The following DMXL1 variants were observed in gnomAD, a reference collection of about 807,000 sequenced individuals.
DMXL1 encodes dmX-like protein 1.
In DMXL1, 99 loss-of-function variants were observed where a neutral mutation model predicts 319.2. That is an observed-to-expected ratio of 0.31 (90% CI 0.26 to 0.37). The LOEUF (loss-of-function observed/expected upper bound fraction) is 0.37. DMXL1 is among the 10% of genes least tolerant of loss of function. The pLI is 1.00. For synonymous variants in DMXL1, 1,385 were observed against 1,235.2 expected (o/e 1.12, Z -2.54); for missense variants, 3,745 against 3,595.6 (o/e 1.04, Z -1.06).
chr5:119,196,514 T>TG lies in DMXL1; in HGVS notation c.7543+59dup. 3 of 1,110,228 alleles carry TG rather than the reference T, an allele frequency of 2.7e-6. No individual in the cohort carries two copies. The African/African-American group carries it at 4.8e-5, about 18-fold the overall frequency. 68.8% of individuals were successfully genotyped at this position (1,110,228 alleles called of 1,614,324 possible). Reference sequence around the variant, plus strand: ...CATTGCTTTTGACTTACTACTCTGTTGTTTTTTTTTTTTTTTTTTTGGTCT... The same window carrying TG: ...CATTGCTTTTGACTTACTACTCTGTTGGTTTTTTTTTTTTTTTTTTTGGTCT... On this transcript the variant is annotated intron_variant, in intron 31 of 43. Coordinates refer to ENST00000539542, the MANE Select transcript of DMXL1 (RefSeq NM_001290321.3).
At chr5:119,201,962 C>CTT (rs1050734682) in intron 32 of DMXL1, among the ~76,000 whole-genome samples, 11 of 151,950 alleles carry the variant, frequency 7.2e-5, no homozygotes, top group Admixed American at 6.6e-4. Context: ...TCTCTCTTTT[C>CTT]TTTTTTATTA....
At chr5:119,199,009 C>T (rs183664833) in intron 32 of DMXL1, among the ~76,000 whole-genome samples, 48 of 152,298 alleles carry the variant, frequency 3.2e-4, no homozygotes, top group African/African-American at 1.1e-3. Context: ...GTCTCACCCT[C>T]CTGAATAGCT....
chr5:119,099,633 G>A (rs891021336), intron 2 of DMXL1, among the ~76,000 whole-genome samples: 27 of 152,248 alleles, frequency 1.8e-4, no homozygotes, highest in African/African-American at 6.0e-4. Context: ...GCTGGTTAAT[G>A]TTAAAAATAT....
At chr5:119,220,358 G>A (rs1047206310) in intron 35 of DMXL1, 114 bp from the exon 36 acceptor site, 6 of 851,544 alleles carry the variant, frequency 7.0e-6, no homozygotes, top group South Asian at 3.6e-5. Flanking sequence ...TGTATATCCT[G>A]TACTTTAGTT....
intron 3 of DMXL1, among the ~76,000 whole-genome samples, chr5:119,103,104 AAG>A (rs1757625613): frequency 6.7e-6 from 1 of 150,278 alleles, no homozygotes; most frequent in Non-Finnish European, 1.5e-5. Flanking sequence ...TTTAAAAAAA[AAG>A]AAAGAGCAGT....
At chr5:119,093,360 T>C (rs1010466508) in intron 1 of DMXL1, among the ~76,000 whole-genome samples, 1 of 152,180 alleles carries the variant, frequency 6.6e-6, no homozygotes, top group Non-Finnish European at 1.5e-5. Context: ...GGTCTTGAAC[T>C]CCTGACCTCA....
intron 43 of DMXL1, 61 bp downstream of exon 43, chr5:119,244,637 A>G: frequency 3.2e-6 from 4 of 1,255,232 alleles, no homozygotes; most frequent in Admixed American, 1.8e-5. Context: ...TTAGCTCTTT[A>G]ATCGTATTGA....
rs1749538232 is a variant in DMXL1 at position 119,071,464 on chromosome 5, G to T, written c.-106G>T. On this transcript the variant is annotated 5_prime_UTR_variant, in exon 1 of 44. Coordinates refer to ENST00000539542, the MANE Select transcript of DMXL1 (RefSeq NM_001290321.3). ...GGCGCCTGTCGCTGCTTCTGCCGTC[G>T]CCACCGAAGAGCGGCCGCCGCCCCT... is the stretch of plus-strand genomic sequence containing the variant. 1.8e-6 allele frequency: 2 copies of T among 1,138,800 alleles called. No homozygotes were observed. Among genetic ancestry groups the T allele is most frequent in the Admixed American group, 2.0e-5 (1 of 49,320 alleles). The allele number at this position is 1,138,800 out of a possible 1,614,324, so 70.5% of individuals were successfully genotyped here. A position where few individuals can be genotyped will look rare whatever the true frequency, so the allele number is the denominator to read the frequency against.
At chr5:119,119,873 G>A (rs1385642448) in intron 8 of DMXL1, among the ~76,000 whole-genome samples, 2 of 151,384 alleles carry the variant, frequency 1.3e-5, no homozygotes, top group Non-Finnish European at 2.9e-5. Context: ...TTTTTGGGTG[G>A]GGGAGTTGTT....
chr5:119,232,125 T>C (rs1396976257), intron 38 of DMXL1, among the ~76,000 whole-genome samples: 1 of 152,110 alleles, frequency 6.6e-6, no homozygotes, highest in South Asian at 2.1e-4. Flanking sequence ...GTACTATAGG[T>C]GTGTGCCACC....
intron 13 of DMXL1, among the ~76,000 whole-genome samples, chr5:119,138,020 G>A (rs1290907329): frequency 6.6e-6 from 1 of 152,216 alleles, no homozygotes; most frequent in African/African-American, 2.4e-5. Flanking sequence ...GAAGAGGTAT[G>A]AAATGATTTA....
In DMXL1 at chr5:119,098,484, T is replaced by A. The variant is rs576076445; in HGVS notation, c.213+380T>A. On this transcript the variant is annotated intron_variant, in intron 2 of 43. Transcript: ENST00000539542. ...TTTTGTCTGTGAACAGGTAGTTATC[T>A]CCTTGTAACTTCTATGTAACAAGGG... Among the ~76,000 whole-genome samples the A allele has an allele frequency of 9.2e-5, 14 of 152,092 alleles. 1 individual carries two copies. The East Asian group carries it at 1.5e-3, about 17-fold the overall frequency.
At chr5:119,219,140 C>T (rs1784205519) in intron 35 of DMXL1, among the ~76,000 whole-genome samples, 1 of 152,114 alleles carries the variant, frequency 6.6e-6, no homozygotes, top group South Asian at 2.1e-4. Context: ...GTTGCCTGAG[C>T]CACAATTTCC....
Position 119,237,380 on chromosome 5 carries a change from G to A in DMXL1, c.8525G>A (p.Cys2842Tyr). ...TTGTATCAAACAAACTGGAAATGTT[G>A]TCCAGTTACTGGAAGCATGCCTAAG... The part of the protein sequence containing the change: ...LSLYQTNWKC[C>Y]PVTGSMPKPY... The change falls in exon 40 of 44, where the codon TGT becomes TAT. Residue 2842 changes from cysteine (C) to tyrosine (Y), a missense_variant. This residue lies in a region of DMXL1 where 262 missense variants were observed against 320.5 expected (regional missense o/e 0.82). Transcript: ENST00000539542. The A allele has an allele frequency of 6.2e-7, 1 of 1,605,194 alleles. No individual in the cohort carries two copies. The highest frequency in any genetic ancestry group is 1.1e-5 in the South Asian group (1 of 89,614).
At chr5:119,233,717 T>A (rs909530041) in intron 39 of DMXL1, among the ~76,000 whole-genome samples, 3 of 152,154 alleles carry the variant, frequency 2.0e-5, no homozygotes, top group Admixed American at 2.0e-4. Flanking sequence ...CACCTTATAT[T>A]ACACACTTTT....
chr5:119,189,663 C>A, intron 28 of DMXL1, 45 bp from the exon 29 acceptor site: 1 of 1,556,586 alleles, frequency 6.4e-7, no homozygotes, highest in Non-Finnish European at 8.8e-7. Flanking sequence ...GAAATAAATG[C>A]AATGAAAATA....
intron 34 of DMXL1, among the ~76,000 whole-genome samples, chr5:119,207,701 T>C (rs961775559): frequency 1.3e-5 from 2 of 152,064 alleles, no homozygotes; most frequent in South Asian, 2.1e-4. Flanking sequence ...TTTGTATTTT[T>C]AGTAGAGATG....
chr5:119,226,881 C>T (rs981360621), intron 38 of DMXL1, among the ~76,000 whole-genome samples: 3 of 152,166 alleles, frequency 2.0e-5, no homozygotes, highest in African/African-American at 7.2e-5. Context: ...AGAATGAGGT[C>T]TGTAAGACTC....
In DMXL1 at chr5:119,148,793, C is replaced by T; in HGVS notation, c.2966C>T (p.Ala989Val). 1 of 1,613,464 alleles carries T rather than the reference C, an allele frequency of 6.2e-7. No homozygotes were observed. Among genetic ancestry groups the T allele is most frequent in the East Asian group, 2.2e-5 (1 of 44,842 alleles). Residue 989 changes from alanine to valine, a missense_variant, in exon 18 of 44, where the codon GCA becomes GTA. Physicochemically the swap from Ala to Val is moderately conservative, Grantham distance 64. Around this residue, in one of 4 missense-constraint regions of DMXL1, gnomAD observed 2,096 missense variants for 1,985.4 expected, o/e 1.06. Coordinates refer to ENST00000539542, the MANE Select transcript of DMXL1 (RefSeq NM_001290321.3). The stretch of plus-strand genomic sequence containing the variant: ...GCATGCAGTGCTCCTTATTTATTGG[C>T]AACTTCATGTTCAGATGAGAAAGTA... ...YPACSAPYLLATSCSDEKVRF... is the reference protein window; with the variant it reads ...YPACSAPYLLVTSCSDEKVRF...
Sources: gnomAD v4.1 joint callset for allele counts (sites outside exome capture counted in the v4.1 genomes callset) on GRCh38, gnomAD v4.1.1 for gene constraint, gnomAD v4.1.1 regional missense constraint, MANE v1.5 for transcripts, NCBI Gene and HGNC (gene_info 2026-07-23, HGNC 2026-07-21) for gene names.